Variants in SUPT3H observed in about 807,000 individuals in gnomAD.
The protein encoded by SUPT3H is transcription initiation protein SPT3 homolog.
A neutral mutation model predicts 44.3 loss-of-function variants in SUPT3H; 44 were observed. The observed-to-expected ratio is 0.99, with a 90% CI of 0.78 to 1.28. The LOEUF (loss-of-function observed/expected upper bound fraction) is 1.28, where lower values mean the gene tolerates loss of function less well. Ranked by LOEUF, SUPT3H falls within the 50% of genes most tolerant of loss-of-function variation. The pLI is 0.00. For synonymous variants in SUPT3H, 124 were observed against 125.6 expected (o/e 0.99, Z 0.09); for missense variants, 380 against 387.1 (o/e 0.98, Z 0.15).
intron 3 of SUPT3H, among the ~76,000 whole-genome samples, chr6:45,024,509 T>A (rs1488886562): frequency 6.6e-6 from 1 of 152,232 alleles, no homozygotes; most frequent in Non-Finnish European, 1.5e-5. Flanking sequence ...CTAAATTCAA[T>A]GTGGTCTTTA....
chr6:44,990,158 C>T (rs117789813), intron 6 of SUPT3H, among the ~76,000 whole-genome samples: 9 of 151,782 alleles, frequency 5.9e-5, no homozygotes, highest in East Asian at 3.9e-4. Context: ...GAGTTAATTA[C>T]GGTGAGAGAT....
intron 7 of SUPT3H, among the ~76,000 whole-genome samples, chr6:44,955,947 C>T (rs1182703012): frequency 4.0e-5 from 6 of 150,836 alleles, no homozygotes; most frequent in African/African-American, 1.2e-4. Context: ...GGTGAAACCC[C>T]GTCTCTACTA....
chr6:45,072,050 T>G (rs1794460828), intron 3 of SUPT3H, among the ~76,000 whole-genome samples: 1 of 152,156 alleles, frequency 6.6e-6, no homozygotes, highest in Admixed American at 6.5e-5. Flanking sequence ...CTACGTCCAG[T>G]CAAGTGATTT....
At chr6:45,111,085 T>A (rs916607036) in intron 2 of SUPT3H, among the ~76,000 whole-genome samples, 1 of 149,444 alleles carries the variant, frequency 6.7e-6, no homozygotes, top group Admixed American at 6.7e-5. Flanking sequence ...CAGGCTGGAG[T>A]GCAGTGGCGC....
intron 1 of SUPT3H, among the ~76,000 whole-genome samples, chr6:45,372,342 T>C (rs535957875): frequency 6.6e-6 from 1 of 152,340 alleles, no homozygotes; most frequent in South Asian, 2.1e-4. Flanking sequence ...CTGATGATGA[T>C]GATTAACTCA....
intron 2 of SUPT3H, among the ~76,000 whole-genome samples, chr6:45,276,501 G>C (rs1562848419): frequency 6.6e-6 from 1 of 152,004 alleles, no homozygotes; most frequent in Non-Finnish European, 1.5e-5. Flanking sequence ...CCCCATATCT[G>C]TATCTTTTTC....
intron 10 of SUPT3H, among the ~76,000 whole-genome samples, chr6:44,884,333 T>A (rs1008726836): frequency 6.6e-6 from 1 of 152,096 alleles, no homozygotes; most frequent in African/African-American, 2.4e-5. Context: ...AGAATGGTGA[T>A]CATTAAAAAG....
At chr6:45,339,784 C>T (rs981316713) in intron 2 of SUPT3H, among the ~76,000 whole-genome samples, 4 of 151,976 alleles carry the variant, frequency 2.6e-5, no homozygotes, top group Non-Finnish European at 4.4e-5. Context: ...AATTAGACAA[C>T]ATATTTTGAA....
At chr6:44,973,907 T>A (rs1459458393) in intron 6 of SUPT3H, among the ~76,000 whole-genome samples, 1 of 152,086 alleles carries the variant, frequency 6.6e-6, no homozygotes, top group African/African-American at 2.4e-5. Context: ...ACAGCCCCCA[T>A]AATTCAATTA....
intron 2 of SUPT3H, among the ~76,000 whole-genome samples, chr6:45,199,754 AAT>A (rs1255392008): frequency 1.3e-5 from 2 of 151,398 alleles, no homozygotes; most frequent in African/African-American, 4.8e-5. Flanking sequence ...CCCTAAAAGG[AAT>A]ATGTTTCATC....
chr6:44,861,223 A>G (rs1774606094), intron 10 of SUPT3H, among the ~76,000 whole-genome samples: 1 of 151,688 alleles, frequency 6.6e-6, no homozygotes, highest in Admixed American at 6.6e-5. Context: ...ACTACAGGCA[A>G]GCACCACCAC....
intron 2 of SUPT3H, chr6:45,158,989 T>C (rs1219732866): frequency 6.6e-6 from 1 of 152,206 alleles, no homozygotes; most frequent in African/African-American, 2.4e-5. Context: ...TGTTCATCAC[T>C]GCTGCATTCT....
At chr6:45,208,205 C>CTAA (rs1763507601) in intron 2 of SUPT3H, among the ~76,000 whole-genome samples, 1 of 152,150 alleles carries the variant, frequency 6.6e-6, no homozygotes, top group Non-Finnish European at 1.5e-5. Flanking sequence ...AAGCCAAAGC[C>CTAA]TAATCTAGAC....
At chr6:45,360,412 A>G (rs927337494) in intron 2 of SUPT3H, among the ~76,000 whole-genome samples, 1 of 152,148 alleles carries the variant, frequency 6.6e-6, no homozygotes, top group Non-Finnish European at 1.5e-5. Flanking sequence ...CGTACTTTTT[A>G]CCTTCAGGGT....
chr6:44,926,562 T>A (rs1195173756), intron 10 of SUPT3H, among the ~76,000 whole-genome samples: 1 of 152,092 alleles, frequency 6.6e-6, no homozygotes, highest in Non-Finnish European at 1.5e-5. Flanking sequence ...AAGACATAAT[T>A]CAATTCAAAG....
At chr6:45,100,557 A>AAAAAAAAG in intron 3 of SUPT3H, among the ~76,000 whole-genome samples, 1 of 149,178 alleles carries the variant, frequency 6.7e-6, no homozygotes, top group Non-Finnish European at 1.5e-5. Flanking sequence ...AAAAAAAAAA[A>AAAAAAAAG]AAAAAAAGAC....
At chr6:45,246,822 T>C (rs1156956539) in intron 2 of SUPT3H, among the ~76,000 whole-genome samples, 5 of 152,146 alleles carry the variant, frequency 3.3e-5, no homozygotes. Flanking sequence ...ATTTGTAAGA[T>C]ACACCTAATG....
At chr6:44,879,154 C>G (rs1777781813) in intron 10 of SUPT3H, among the ~76,000 whole-genome samples, 1 of 152,188 alleles carries the variant, frequency 6.6e-6, no homozygotes, top group Admixed American at 6.5e-5. Context: ...CCCATGGAGC[C>G]CAGCAAGCTA....
intron 6 of SUPT3H, among the ~76,000 whole-genome samples, chr6:44,983,267 G>A (rs1779350780): frequency 6.6e-6 from 1 of 151,998 alleles, no homozygotes; most frequent in South Asian, 2.1e-4. Context: ...GACTTGTTAG[G>A]TAAAAGTGGA....
Sources: allele counts gnomAD v4.1 joint callset (sites outside exome capture counted in the v4.1 genomes callset), GRCh38; gene constraint gnomAD v4.1.1; transcripts MANE v1.5; gene names NCBI Gene and HGNC (gene_info 2026-07-23, HGNC 2026-07-21).